PRKN: variants seen among roughly 807,000 people sequenced by gnomAD.
PRKN encodes E3 ubiquitin-protein ligase parkin.
PRKN carries 56 observed loss-of-function variants against 59.5 expected under a neutral mutation model. That is an observed-to-expected ratio of 0.94 (90% CI 0.76 to 1.18). The LOEUF (loss-of-function observed/expected upper bound fraction) is 1.18. PRKN is among the 50% of genes most tolerant of loss of function. PRKN has a pLI of 0.00. For synonymous variants in PRKN, 250 were observed against 222.1 expected (o/e 1.13, Z -1.12); for missense variants, 657 against 596.4 (o/e 1.10, Z -1.06).
chr6:162,025,177 G>T (rs1783380953), intron 5 of PRKN, among the ~76,000 whole-genome samples: 1 of 151,756 alleles, frequency 6.6e-6, no homozygotes, highest in Non-Finnish European at 1.5e-5. Context: ...CACCACGCCT[G>T]GCTAATTTTT....
intron 5 of PRKN, among the ~76,000 whole-genome samples, chr6:161,979,151 C>T (rs761609744): frequency 1.7e-4 from 26 of 151,914 alleles, no homozygotes; most frequent in South Asian, 2.1e-4. Context: ...AGCAAATGGC[C>T]AGTTTTTTGT....
chr6:162,625,161 G>A (rs1244180857), intron 1 of PRKN, among the ~76,000 whole-genome samples: 14 of 152,116 alleles, frequency 9.2e-5, no homozygotes, highest in Non-Finnish European at 2.1e-4. Context: ...AGCTTCTGTC[G>A]TGGAGTGAGG....
chr6:162,418,209 G>T (rs1230215142), intron 2 of PRKN, among the ~76,000 whole-genome samples: 1 of 152,170 alleles, frequency 6.6e-6, no homozygotes, highest in African/African-American at 2.4e-5. Flanking sequence ...CTATGACATA[G>T]ATGAAACTTG....
At chr6:161,474,074 G>A (rs750138720) in intron 9 of PRKN, among the ~76,000 whole-genome samples, 14 of 152,160 alleles carry the variant, frequency 9.2e-5, no homozygotes, top group South Asian at 2.1e-4. Context: ...AAAAATGGGC[G>A]TGGAGCATGA....
chr6:162,571,721 G>A (rs1384083174), intron 1 of PRKN, among the ~76,000 whole-genome samples: 1 of 152,152 alleles, frequency 6.6e-6, no homozygotes, highest in African/African-American at 2.4e-5. Flanking sequence ...TGGCACTTCA[G>A]GGAGAAGCCT....
intron 7 of PRKN, among the ~76,000 whole-genome samples, chr6:161,732,035 T>G (rs969113634): frequency 6.6e-6 from 1 of 152,144 alleles, no homozygotes; most frequent in African/African-American, 2.4e-5. Flanking sequence ...GGTGTACAGA[T>G]AATTTCATCA....
At chr6:162,043,834 G>C (rs370374793) in intron 5 of PRKN, among the ~76,000 whole-genome samples, 2 of 152,298 alleles carry the variant, frequency 1.3e-5, no homozygotes, top group East Asian at 3.9e-4. Flanking sequence ...AGCGATTATA[G>C]ATAACAGAGT....
At chr6:162,282,984 T>TTC (rs964407541) in intron 2 of PRKN, among the ~76,000 whole-genome samples, 1 of 151,880 alleles carries the variant, frequency 6.6e-6, no homozygotes, top group East Asian at 1.9e-4. Flanking sequence ...CTTTCTTTCT[T>TTC]TCTCTCTCTC....
At chr6:162,268,725 C>T (rs543225902) in intron 2 of PRKN, among the ~76,000 whole-genome samples, 1 of 152,208 alleles carries the variant, frequency 6.6e-6, no homozygotes, top group South Asian at 2.1e-4. Context: ...GGGTAGGAAC[C>T]CAGGCCATCG....
chr6:162,145,687 G>T (rs1781993629), intron 4 of PRKN, among the ~76,000 whole-genome samples: 1 of 152,152 alleles, frequency 6.6e-6, no homozygotes, highest in Non-Finnish European at 1.5e-5. Context: ...ACCCCCAGAG[G>T]TTTCCCATTG....
intron 6 of PRKN, among the ~76,000 whole-genome samples, chr6:161,807,340 TACACATGCATATACACAAAC>T (rs1345195131): frequency 6.6e-6 from 1 of 151,966 alleles, no homozygotes; most frequent in African/African-American, 2.4e-5. Context: ...CACGCACACA[TACACATGCATATACACAAAC>T]ACATGCATAC....
intron 9 of PRKN, among the ~76,000 whole-genome samples, chr6:161,505,010 C>T (rs980396959): frequency 1.3e-5 from 2 of 150,696 alleles, no homozygotes; most frequent in Non-Finnish European, 3.0e-5. Flanking sequence ...TTTATAGCAG[C>T]ATGATTTATA....
At chr6:162,273,977 C>A (rs144293097) in intron 2 of PRKN, among the ~76,000 whole-genome samples, 252 of 152,064 alleles carry the variant, frequency 1.7e-3, no homozygotes, top group Non-Finnish European at 2.8e-3. Context: ...GAGGAATTTT[C>A]CTATAAAACC....
At chr6:161,668,861 C>CTTCTACCCCACTGG (rs1784813160) in intron 7 of PRKN, among the ~76,000 whole-genome samples, 2 of 152,210 alleles carry the variant, frequency 1.3e-5, no homozygotes, top group African/African-American at 4.8e-5. Flanking sequence ...CTGTGACCTG[C>CTTCTACCCCACTGG]TTCTACCCCA....
chr6:161,635,049 G>A (rs574311474), intron 7 of PRKN, among the ~76,000 whole-genome samples: 1 of 152,230 alleles, frequency 6.6e-6, no homozygotes, highest in South Asian at 2.1e-4. Flanking sequence ...AATTAAAACG[G>A]GAGACTTAGG....
At chr6:161,771,508 G>C (rs1201055581) in intron 7 of PRKN, among the ~76,000 whole-genome samples, 1 of 152,142 alleles carries the variant, frequency 6.6e-6, no homozygotes, top group African/African-American at 2.4e-5. Context: ...TTTGAATGCT[G>C]TTCTTATTCC....
At chr6:162,420,549 A>G (rs1788908992) in intron 2 of PRKN, among the ~76,000 whole-genome samples, 1 of 152,322 alleles carries the variant, frequency 6.6e-6, no homozygotes, top group South Asian at 2.1e-4. Context: ...TGGAACTCTT[A>G]AAACTGCATT....
At chr6:162,558,837 T>C (rs1343542068) in intron 1 of PRKN, among the ~76,000 whole-genome samples, 1 of 151,732 alleles carries the variant, frequency 6.6e-6, no homozygotes, top group African/African-American at 2.4e-5. Flanking sequence ...AGATGGAGTT[T>C]TGCCATGTTG....
chr6:161,929,237 C>T (rs979515974), intron 6 of PRKN, among the ~76,000 whole-genome samples: 5 of 151,966 alleles, frequency 3.3e-5, no homozygotes, highest in South Asian at 2.1e-4. Context: ...TTATATAATA[C>T]GATTCCTTTT....
Sources: allele counts gnomAD v4.1 joint callset (sites outside exome capture counted in the v4.1 genomes callset), GRCh38; gene constraint gnomAD v4.1.1; transcripts MANE v1.5; gene names NCBI Gene and HGNC (gene_info 2026-07-23, HGNC 2026-07-21).